BUD13: variants seen among roughly 807,000 people sequenced by gnomAD.
BUD13 encodes BUD13 spliceosome associated protein.
Under a neutral mutation model 62.5 loss-of-function variants are expected in BUD13, and 47 were observed. The ratio of observed to expected loss-of-function variants is 0.75; its 90% CI spans 0.60 to 0.96. The LOEUF is 0.96. Ranked by LOEUF, BUD13 falls within the 40% of genes least tolerant of loss-of-function variation. The pLI, the probability that BUD13 is intolerant of heterozygous loss-of-function variation, is 0.00. For synonymous variants in BUD13, 293 were observed against 280.1 expected (o/e 1.05, Z -0.46); for missense variants, 821 against 790.9 (o/e 1.04, Z -0.46).
intron 1 of BUD13, among the ~76,000 whole-genome samples, chr11:116,771,348 C>T (rs1194299673): frequency 6.6e-6 from 1 of 152,156 alleles, no homozygotes; most frequent in East Asian, 1.9e-4. Flanking sequence ...TTCACAGAGG[C>T]ATCCTCAACA....
At chr11:116,758,793 T>A (rs1479038671) in intron 6 of BUD13, among the ~76,000 whole-genome samples, 1 of 151,892 alleles carries the variant, frequency 6.6e-6, no homozygotes, top group Non-Finnish European at 1.5e-5. Context: ...GGTTTCATCA[T>A]GTTAGCCAGG....
chr11:116,757,258 G>A (rs1477473071), intron 8 of BUD13, 31 bp from the exon 9 acceptor site: 1 of 1,574,624 alleles, frequency 6.4e-7, no homozygotes, highest in South Asian at 1.1e-5. Context: ...AAAGTATTCA[G>A]TTAATGACAT....
chr11:116,752,515 G>C (rs1436831923), intron 9 of BUD13, among the ~76,000 whole-genome samples: 1 of 152,102 alleles, frequency 6.6e-6, no homozygotes, highest in East Asian at 1.9e-4. Context: ...AACTAGGTCA[G>C]GGAGAATTCT....
chr11:116,762,494 G>A (rs1469249049), intron 4 of BUD13, 59 bp downstream of exon 4: 26 of 1,363,544 alleles, frequency 1.9e-5, no homozygotes, highest in South Asian at 1.6e-4. Context: ...TCAACTAAAC[G>A]GCCAAAAGAA....
At chr11:116,758,436 A>AG (rs781507890) in intron 6 of BUD13, 29 bp from the exon 7 acceptor site, 6 of 1,611,398 alleles carry the variant, frequency 3.7e-6, no homozygotes, top group Non-Finnish European at 5.1e-6. Flanking sequence ...CTCAAATATC[A>AG]GGATCAAAAT....
chr11:116,767,441 A>G (rs540778987), intron 2 of BUD13, among the ~76,000 whole-genome samples: 41 of 151,214 alleles, frequency 2.7e-4, no homozygotes, highest in African/African-American at 9.2e-4. Flanking sequence ...AAAATACAAA[A>G]AATTAGCCAG....
intron 3 of BUD13, among the ~76,000 whole-genome samples, chr11:116,764,489 G>GGAGT (rs540826952): frequency 2.2e-3 from 332 of 152,188 alleles, no homozygotes; most frequent in African/African-American, 7.2e-3. Context: ...CAGAAGAAAA[G>GGAGT]GAGTGAGTGA....
intron 2 of BUD13, among the ~76,000 whole-genome samples, chr11:116,769,559 A>G (rs1193042653): frequency 6.6e-6 from 1 of 152,180 alleles, no homozygotes; most frequent in Non-Finnish European, 1.5e-5. Context: ...AAGTCTCATC[A>G]TTACTCTAAC....
chr11:116,754,317 G>A (rs950401395), intron 9 of BUD13, among the ~76,000 whole-genome samples: 1 of 152,190 alleles, frequency 6.6e-6, no homozygotes, highest in Non-Finnish European at 1.5e-5. Context: ...AAAATGTTGG[G>A]ATTACAGGCA....
chr11:116,755,912 A>ATT (rs1307641251), intron 9 of BUD13, among the ~76,000 whole-genome samples: 1 of 152,098 alleles, frequency 6.6e-6, no homozygotes, highest in African/African-American at 2.4e-5. Flanking sequence ...GTCATCAGTA[A>ATT]TTTTTAAGAG....
In BUD13 at chr11:116,760,946, C is replaced by T. The variant is rs768373463; in HGVS notation, c.1043G>A (p.Cys348Tyr). 10 of 1,613,876 alleles carry T rather than the reference C, an allele frequency of 6.2e-6. No individual in the cohort carries two copies. The African/African-American group carries it at 9.3e-5, about 15-fold the overall frequency. The change falls in exon 5 of 10, where the codon TGC becomes TAC. Residue 348 changes from cysteine to tyrosine, a missense_variant. Physicochemically the swap from Cys to Tyr is radical, Grantham distance 194. This residue lies in a region of BUD13 where 800 missense variants were observed against 739.2 expected (regional missense o/e 1.08). Coordinates refer to ENST00000260210, the MANE Select transcript of BUD13 (RefSeq NM_032725.4). ...DKKQLDSKGD[C>Y]QKATDSDLSS... ...AAGGTCTGAATCAGTTGCTTTCTGGCAGTCACCTGGATAGGAGCAAAGAAT... is the reference window on the plus strand; with the variant it reads ...AAGGTCTGAATCAGTTGCTTTCTGGTAGTCACCTGGATAGGAGCAAAGAAT...
chr11:116,768,291 G>A (rs112836544), intron 2 of BUD13, among the ~76,000 whole-genome samples: 31 of 152,118 alleles, frequency 2.0e-4, no homozygotes, highest in African/African-American at 6.5e-4. Flanking sequence ...CTACATAACC[G>A]TTAAAAATCA....
In BUD13 at chr11:116,748,431, G is replaced by A. The variant is rs1487859223; in HGVS notation, c.*51C>T. ...GACAACTGTTACCACTGGATATCTC[G>A]CTGCCTATGCCCACTACCACAGCCC... is the stretch of plus-strand genomic sequence containing the variant. On this transcript the variant is annotated 3_prime_UTR_variant, in exon 10 of 10. Transcript: ENST00000260210. 9 of 1,510,062 alleles carry A rather than the reference G, an allele frequency of 6.0e-6. No homozygotes were observed. The highest frequency in any genetic ancestry group is 1.7e-4 in the Middle Eastern group (1 of 5,830). 93.5% of individuals were successfully genotyped at this position (1,510,062 alleles called of 1,614,324 possible).
Position 116,758,295 on chromosome 11 carries a change from A to ATC in BUD13, c.1471_1472dup (p.Asp491GlufsTer26), listed in dbSNP as rs755085427. ...CTTTTCCCCACTGGGCATACAGCTC[A>ATC]TCTCTCTCTGAGTCCTTTTCTGCTT... On this transcript the variant is annotated frameshift_variant, in exon 7 of 10. Transcript: ENST00000260210. LOFTEE classifies it high-confidence loss of function. 10 of 1,613,996 alleles carry ATC rather than the reference A, an allele frequency of 6.2e-6. No homozygotes were observed. The African/African-American group carries it at 1.2e-4, about 19-fold the overall frequency.
At chr11:116,766,015 A>G (rs1036117615) in intron 2 of BUD13, among the ~76,000 whole-genome samples, 3 of 152,236 alleles carry the variant, frequency 2.0e-5, no homozygotes, top group African/African-American at 7.2e-5. Flanking sequence ...AGTATTCCTA[A>G]TAAGTGGTCA....
At chr11:116,772,197 T>A (rs1453118965) in intron 1 of BUD13, among the ~76,000 whole-genome samples, 2 of 152,230 alleles carry the variant, frequency 1.3e-5, no homozygotes, top group Non-Finnish European at 2.9e-5. Flanking sequence ...ATTCTGTGGT[T>A]CTGGGTGGAA....
chr11:116,762,234 C>T (rs191487881), intron 4 of BUD13, among the ~76,000 whole-genome samples: 5 of 152,270 alleles, frequency 3.3e-5, no homozygotes, highest in Admixed American at 2.6e-4. Context: ...CTAAGATGAC[C>T]CTGGCCACAA....
In BUD13 at chr11:116,762,813, G is replaced by A; in HGVS notation, c.776C>T (p.Ser259Leu). 6.2e-7 allele frequency: 1 copy of A among 1,614,104 alleles called. No homozygotes were observed. Among genetic ancestry groups the A allele is most frequent in the Non-Finnish European group, 8.5e-7 (1 of 1,179,996 alleles). The change falls in exon 4 of 10, where the codon TCA becomes TTA. Residue 259 changes from serine (S) to leucine (L), a missense_variant. By Grantham distance (145) the Ser-to-Leu change is moderately radical. Around this residue, in one of 2 missense-constraint regions of BUD13, gnomAD observed 800 missense variants for 739.2 expected, o/e 1.08. Coordinates refer to ENST00000260210, the MANE Select transcript of BUD13 (RefSeq NM_032725.4). ...GGCCCTTCTGAGTTGCTGTGTGTCT[G>A]AAGAGCCAAGAGTCCTCCTAGATGT... ...PDTSRRTLGS[S>L]DTQQLRRARH...
intron 1 of BUD13, among the ~76,000 whole-genome samples, chr11:116,771,778 A>C (rs1940632177): frequency 6.6e-6 from 1 of 152,230 alleles, no homozygotes; most frequent in South Asian, 2.1e-4. Flanking sequence ...AGTTCTTTAG[A>C]ACAATGTGAC....
Sources: allele counts gnomAD v4.1 joint callset (sites outside exome capture counted in the v4.1 genomes callset), GRCh38; gene constraint gnomAD v4.1.1; regional missense constraint gnomAD v4.1.1; transcripts MANE v1.5; gene names NCBI Gene and HGNC (gene_info 2026-07-23, HGNC 2026-07-21).